Variants in CACNA2D4 observed in about 807,000 individuals in gnomAD.
CACNA2D4 encodes voltage-dependent calcium channel subunit alpha-2/delta-4.
In CACNA2D4, 157 loss-of-function variants were observed where a neutral mutation model predicts 163.8. That is an observed-to-expected ratio of 0.96 (90% CI 0.84 to 1.09). The LOEUF (loss-of-function observed/expected upper bound fraction) is 1.09. Among genes scored for constraint, CACNA2D4 ranks in the 50% least tolerant of loss-of-function variants. The probability of loss-of-function intolerance (pLI) is 0.00; values close to 1 mark genes in which losing one functional copy is unlikely to be tolerated. For synonymous variants in CACNA2D4, 598 were observed against 586.9 expected (o/e 1.02, Z -0.27); for missense variants, 1,410 against 1,479.9 (o/e 0.95, Z 0.78).
At chr12:1,881,644 T>C (rs1456754355) in intron 13 of CACNA2D4, among the ~76,000 whole-genome samples, 1 of 152,056 alleles carries the variant, frequency 6.6e-6, no homozygotes, top group East Asian at 1.9e-4. Context: ...CTGTCCTCCT[T>C]CTCCCCACCC....
intron 26 of CACNA2D4, among the ~76,000 whole-genome samples, chr12:1,824,346 C>A (rs1864231336): frequency 6.6e-6 from 1 of 152,208 alleles, no homozygotes; most frequent in South Asian, 2.1e-4. Flanking sequence ...CAAGCTAGAC[C>A]AATGCCGCTG....
chr12:1,864,678 TC>T (rs1056801959), intron 18 of CACNA2D4, among the ~76,000 whole-genome samples: 6 of 152,144 alleles, frequency 3.9e-5, no homozygotes, highest in Non-Finnish European at 8.8e-5. Context: ...CGTGTTGTTC[TC>T]GCCCAGCAGA....
In CACNA2D4 at chr12:1,794,984, G is replaced by A. The variant is rs149337548; in HGVS notation, c.3309+315C>T. 4.1e-3 allele frequency: 2,070 copies of A among 503,032 alleles called. 10 individuals carry two copies. Among genetic ancestry groups the A allele is most frequent in the Middle Eastern group, 0.011 (22 of 1,952 alleles). 31.2% of individuals were successfully genotyped at this position (503,032 alleles called of 1,614,324 possible). ...ACAAAGATACCTCTATCATTCCAAGGGTCTTAGAGGCACCTGTGAAGGAAC... is the reference window on the plus strand; with the variant it reads ...ACAAAGATACCTCTATCATTCCAAGAGTCTTAGAGGCACCTGTGAAGGAAC... On this transcript the variant is annotated intron_variant, in intron 37 of 37. Coordinates refer to ENST00000382722, the MANE Select transcript of CACNA2D4 (RefSeq NM_172364.5).
In CACNA2D4 at chr12:1,886,104, G is replaced by A. The variant is rs552816981; in HGVS notation, c.994-65C>T. 9 of 1,547,194 alleles carry A rather than the reference G, an allele frequency of 5.8e-6. No homozygotes were observed. In the South Asian group the frequency reaches 7.8e-5, roughly 13 times the overall value. On this transcript the variant is annotated intron_variant, in intron 8 of 37. Coordinates refer to ENST00000382722, the MANE Select transcript of CACNA2D4 (RefSeq NM_172364.5). ...AAACAGCATCAGGTTGCAAAGTCCA[G>A]GCCCAGCAAAGACACTCATGCAGGT...
chr12:1,813,564 G>T (rs1309457357), intron 26 of CACNA2D4, among the ~76,000 whole-genome samples: 1 of 152,180 alleles, frequency 6.6e-6, no homozygotes, highest in African/African-American at 2.4e-5. Context: ...ACGTATGGTT[G>T]GTGGCCAGCG....
Position 1,792,986 on chromosome 12 carries a change from T to C in CACNA2D4, c.*669A>G, listed in dbSNP as rs1863017722. ...TGGGAAGTTCTTCAATAGCAGCAGT[T>C]TGGGGACATCACGTGTAGCCCTGTC... On this transcript the variant is annotated 3_prime_UTR_variant, in exon 38 of 38. Coordinates refer to ENST00000382722, the MANE Select transcript of CACNA2D4 (RefSeq NM_172364.5). 6.6e-6 allele frequency: 1 copy of C among 152,268 alleles called. No individual in the cohort carries two copies. Among genetic ancestry groups the C allele is most frequent in the African/African-American group, 2.4e-5 (1 of 41,462 alleles). The allele number at this position is 152,268 out of a possible 1,614,324, so 9.4% of individuals were successfully genotyped here.
In CACNA2D4 at chr12:1,846,302, G is replaced by A. The variant is rs186472346; in HGVS notation, c.2342+292C>T. Reference sequence around the variant, plus strand: ...TTCAAAGTCTCTCCCTGACTGGTCCGGCCTCCATCCTGTTCTAGGGACCCA... The same window carrying A: ...TTCAAAGTCTCTCCCTGACTGGTCCAGCCTCCATCCTGTTCTAGGGACCCA... On this transcript the variant is annotated intron_variant, in intron 24 of 37. Transcript: ENST00000382722. Among the ~76,000 whole-genome samples the A allele has an allele frequency of 1.4e-4, 22 of 152,278 alleles. No homozygotes were observed. In the East Asian group the frequency reaches 3.1e-3, roughly 21 times the overall value.
intron 29 of CACNA2D4, among the ~76,000 whole-genome samples, chr12:1,804,090 A>G (rs1161178678): frequency 6.6e-6 from 1 of 150,732 alleles, no homozygotes; most frequent in East Asian, 1.9e-4. Flanking sequence ...AAACTCTCTC[A>G]GCTGGGGCTC....
intron 26 of CACNA2D4, among the ~76,000 whole-genome samples, chr12:1,818,238 C>G (rs955802771): frequency 1.3e-5 from 2 of 151,970 alleles, no homozygotes; most frequent in African/African-American, 4.9e-5. Flanking sequence ...TGAGGAGCCC[C>G]TCTGCCCGGC....
chr12:1,908,167 AC>A, intron 4 of CACNA2D4, 130 bp from the exon 5 acceptor site: 1 of 945,606 alleles, frequency 1.1e-6, no homozygotes, highest in African/African-American at 1.6e-5. Context: ...CTACACAAGC[AC>A]CCGCGGCGGC....
intron 36 of CACNA2D4, 136 bp downstream of exon 36, chr12:1,795,532 A>G: frequency 2.1e-6 from 2 of 936,764 alleles, no homozygotes; most frequent in Non-Finnish European, 3.3e-6. Flanking sequence ...GGGAAGGGTT[A>G]GAGAACAAAT....
chr12:1,817,582 T>C (rs2154446161), intron 26 of CACNA2D4, among the ~76,000 whole-genome samples: 1 of 152,346 alleles, frequency 6.6e-6, no homozygotes, highest in Non-Finnish European at 1.5e-5. Flanking sequence ...GCAACCTCCC[T>C]GCCTGATTCT....
chr12:1,841,115 G>A (rs1469398847), intron 25 of CACNA2D4, among the ~76,000 whole-genome samples: 2 of 152,218 alleles, frequency 1.3e-5, no homozygotes, highest in East Asian at 3.8e-4. Flanking sequence ...CATGCATTTT[G>A]CCCACAACAC....
In CACNA2D4 at chr12:1,834,803, C is replaced by T. The variant is rs961360099; in HGVS notation, c.2551+5936G>A. On this transcript the variant is annotated intron_variant, in intron 26 of 37. Coordinates refer to ENST00000382722, the MANE Select transcript of CACNA2D4 (RefSeq NM_172364.5). The surrounding 1 kb of genome is among the most constrained non-coding windows in gnomAD (Gnocchi z 7.6). Reference sequence around the variant, plus strand: ...AGCCACAGCTCCCACCTTGACCCGGCGCTGGCCACTGCCTCCCCGAGTCCA... The same window carrying T: ...AGCCACAGCTCCCACCTTGACCCGGTGCTGGCCACTGCCTCCCCGAGTCCA... 82 of 1,472,806 alleles carry T rather than the reference C, an allele frequency of 5.6e-5. No homozygotes were observed. The East Asian group carries it at 1.6e-3, about 29-fold the overall frequency. 91.2% of individuals were successfully genotyped at this position (1,472,806 alleles called of 1,614,324 possible).
intron 18 of CACNA2D4, among the ~76,000 whole-genome samples, chr12:1,873,970 A>T (rs1241630838): frequency 6.6e-6 from 1 of 152,232 alleles, no homozygotes; most frequent in African/African-American, 2.4e-5. Context: ...CAGCTGAGGC[A>T]GATGGGCAGG....
chr12:1,877,201 T>C (rs1169248062), intron 16 of CACNA2D4, among the ~76,000 whole-genome samples: 1 of 152,240 alleles, frequency 6.6e-6, no homozygotes, highest in Non-Finnish European at 1.5e-5. Flanking sequence ...AGGCCCACAG[T>C]GTGAATCCAC....
intron 18 of CACNA2D4, among the ~76,000 whole-genome samples, chr12:1,861,173 A>C (rs1267858476): frequency 1.3e-5 from 2 of 152,230 alleles, no homozygotes; most frequent in Admixed American, 6.5e-5. Flanking sequence ...GAGGTGTCAG[A>C]AGGGACACAG....
chr12:1,840,950 G>T, intron 25 of CACNA2D4, 131 bp from the exon 26 acceptor site: 1 of 774,606 alleles, frequency 1.3e-6, no homozygotes, highest in Non-Finnish European at 2.2e-6. Flanking sequence ...TGAGGCGAGG[G>T]TGGGGACAGG....
Position 1,853,764 on chromosome 12 carries a change from C to T in CACNA2D4, c.2246+187G>A, listed in dbSNP as rs140713594. Reference sequence around the variant, plus strand: ...CTGGAGTCCAACCCAGAGAAAGGAGCTGTCGGAATGGGACTATCCTGGGGT... The same window carrying T: ...CTGGAGTCCAACCCAGAGAAAGGAGTTGTCGGAATGGGACTATCCTGGGGT... On this transcript the variant is annotated intron_variant, in intron 23 of 37. Transcript: ENST00000382722. Among the ~76,000 whole-genome samples the T allele has an allele frequency of 1.4e-4, 21 of 152,296 alleles. No homozygotes were observed. In the East Asian group the frequency reaches 3.7e-3, roughly 27 times the overall value.
Sources: gnomAD v4.1 joint callset for allele counts (sites outside exome capture counted in the v4.1 genomes callset) on GRCh38, gnomAD v4.1.1 for gene constraint, Gnocchi (gnomAD v3.1) non-coding constraint, MANE v1.5 for transcripts, NCBI Gene and HGNC (gene_info 2026-07-23, HGNC 2026-07-21) for gene names.